The following RND3 variants were observed in gnomAD, a reference collection of about 807,000 sequenced individuals.
RND3 encodes rho-related GTP-binding protein RhoE.
A neutral mutation model predicts 26.5 loss-of-function variants in RND3; 8 were observed. The ratio of observed to expected loss-of-function variants is 0.30; its 90% CI spans 0.18 to 0.54. RND3 has a LOEUF of 0.54. RND3 is among the 20% of genes least tolerant of loss of function. The pLI is 0.94. For missense variants in RND3, 207 were observed against 302.8 expected (o/e 0.68, Z 2.35); for synonymous variants, 113 against 113.0 (o/e 1.00, Z 0.00).
At chr2:150,477,481 A>G (rs1264972964) in intron 3 of RND3, among the ~76,000 whole-genome samples, 1 of 152,206 alleles carries the variant, frequency 6.6e-6, no homozygotes, top group Non-Finnish European at 1.5e-5. Flanking sequence ...AGGCCACCAC[A>G]TGACTGCTGG....
At chr2:150,485,497 G>C (rs976197849) in intron 3 of RND3, 1 of 152,354 alleles carries the variant, frequency 6.6e-6, no homozygotes, top group Non-Finnish European at 1.5e-5. Context: ...TGGCACTTGC[G>C]CGTTCCTCCT....
intron 3 of RND3, among the ~76,000 whole-genome samples, chr2:150,482,389 T>C (rs1686288721): frequency 6.6e-6 from 1 of 152,222 alleles, no homozygotes; most frequent in Admixed American, 6.5e-5. Context: ...ATGTGGCCAA[T>C]TTTGAAGCAC....
Position 150,475,321 on chromosome 2 carries a change from T to A in RND3, c.239-337A>T, listed in dbSNP as rs899753075. Reference sequence around the variant, plus strand: ...TTGTGTGTAAACCTGCCTCCACCACTAAAAAGGGAGGGGGCAAGGTAGCTT... The same window carrying A: ...TTGTGTGTAAACCTGCCTCCACCACAAAAAAGGGAGGGGGCAAGGTAGCTT... On this transcript the variant is annotated intron_variant, in intron 3 of 5. Coordinates refer to ENST00000263895, the MANE Select transcript of RND3 (RefSeq NM_005168.5). Among the ~76,000 whole-genome samples, 7 of 152,010 alleles carry A rather than the reference T, an allele frequency of 4.6e-5. No individual in the cohort carries two copies. In the South Asian group the frequency reaches 8.3e-4, roughly 18 times the overall value.
At chr2:150,485,717 CT>C (rs1558872564) in intron 3 of RND3, among the ~76,000 whole-genome samples, 1 of 152,130 alleles carries the variant, frequency 6.6e-6, no homozygotes, top group East Asian at 1.9e-4. Context: ...TGGTGCCCCC[CT>C]GCCACTCCCC....
At chr2:150,481,680 A>G (rs1178765863) in intron 3 of RND3, among the ~76,000 whole-genome samples, 1 of 151,570 alleles carries the variant, frequency 6.6e-6, no homozygotes, top group Non-Finnish European at 1.5e-5. Flanking sequence ...TTTTATAATC[A>G]TTTTTATGTC....
At chr2:150,483,226 C>T (rs961050965) in intron 3 of RND3, among the ~76,000 whole-genome samples, 2 of 152,048 alleles carry the variant, frequency 1.3e-5, no homozygotes, top group African/African-American at 4.8e-5. Context: ...AAAGTAGACC[C>T]CTTATGAGAA....
intron 3 of RND3, among the ~76,000 whole-genome samples, chr2:150,484,929 G>A (rs1686332763): frequency 6.6e-6 from 1 of 152,164 alleles, no homozygotes; most frequent in African/African-American, 2.4e-5. Flanking sequence ...GGGAGTACTG[G>A]TGCTTATTAT....
At position 150,486,674 on chromosome 2, in the gene RND3, C is replaced by A. The variant is rs745729040; in HGVS notation, c.238+20G>T. 2 of 1,569,540 alleles carry A rather than the reference C, an allele frequency of 1.3e-6. No homozygotes were observed. Among genetic ancestry groups the A allele is most frequent in the Non-Finnish European group, 1.8e-6 (2 of 1,139,348 alleles). On this transcript the variant is annotated intron_variant, in intron 3 of 5. Coordinates refer to ENST00000263895, the MANE Select transcript of RND3 (RefSeq NM_005168.5). This position sits in a 1 kb window ranked among gnomAD's most constrained non-coding sequence, Gnocchi z 4.5. ...GACTGGAAACCCGCCCCAAGCGCCA[C>A]GCGGTCCTCCCACTCTTACCCGAAG...
chr2:150,487,160 C>CT (rs1411913210), intron 2 of RND3, 108 bp downstream of exon 2: 35,181 of 481,952 alleles, frequency 0.073, 6 homozygotes, highest in South Asian at 0.096. Flanking sequence ...TTTTTTTTTT[C>CT]TTTTTTTTTT....
At position 150,471,761 on chromosome 2, in the gene RND3, A is replaced by G; in HGVS notation, c.349T>C (p.Trp117Arg). 6.6e-7 allele frequency: 1 copy of G among 1,518,728 alleles called. No individual in the cohort carries two copies. Among genetic ancestry groups the G allele is most frequent in the Non-Finnish European group, 8.8e-7 (1 of 1,140,844 alleles). 94.1% of individuals were successfully genotyped at this position (1,518,728 alleles called of 1,614,324 possible). The change falls in exon 5 of 6, where the codon TGG (tryptophan) becomes CGG (arginine). Residue 117 changes from tryptophan to arginine, a missense_variant and splice_region_variant. Coordinates refer to ENST00000263895, the MANE Select transcript of RND3 (RefSeq NM_005168.5). ...PETLDSVLKK[W>R]KGEIQEFCPN... ...CAAAATTCCTGGATTTCACCTTTCC[A>G]CTATGAAAGAAAAAAAAAAAAGATT...
intron 3 of RND3, among the ~76,000 whole-genome samples, chr2:150,483,429 A>C (rs1203550835): frequency 6.6e-6 from 1 of 152,224 alleles, no homozygotes; most frequent in Admixed American, 6.5e-5. Context: ...AAGTTCTAGG[A>C]GGGAAATAAA....
chr2:150,483,408 T>C (rs1034402618), intron 3 of RND3, among the ~76,000 whole-genome samples: 3 of 152,170 alleles, frequency 2.0e-5, no homozygotes, highest in Non-Finnish European at 4.4e-5. Context: ...CCTATATAAG[T>C]CTCTTTCACA....
At chr2:150,472,073 G>A (rs1487820257) in intron 4 of RND3, 2 of 284,056 alleles carry the variant, frequency 7.0e-6, no homozygotes, top group Non-Finnish European at 1.4e-5. Context: ...TTAATTATTG[G>A]TGTGTCTCTT....
intron 3 of RND3, among the ~76,000 whole-genome samples, chr2:150,485,547 C>A (rs1457910655): frequency 1.3e-5 from 2 of 152,226 alleles, no homozygotes; most frequent in Non-Finnish European, 2.9e-5. Context: ...CGCCAGCAAC[C>A]CAGCTCCTTG....
chr2:150,476,536 A>T (rs1686167679), intron 3 of RND3, among the ~76,000 whole-genome samples: 1 of 152,226 alleles, frequency 6.6e-6, no homozygotes. Flanking sequence ...AAGAATCAGG[A>T]AGAAAAGTGT....
Position 150,486,134 on chromosome 2 carries a change from C to G in RND3, c.238+560G>C, listed in dbSNP as rs1001918160. Among the ~76,000 whole-genome samples the G allele has an allele frequency of 1.3e-5, 2 of 152,012 alleles. No homozygotes were observed. The highest frequency in any genetic ancestry group is 3.9e-4 in the East Asian group (2 of 5,152). Reference sequence around the variant, plus strand: ...AGGTTCAGCTGCTGCCCGGCCCCTGCGCCACCAGCGCATTCCTGGGTGTAG... The same window carrying G: ...AGGTTCAGCTGCTGCCCGGCCCCTGGGCCACCAGCGCATTCCTGGGTGTAG... On this transcript the variant is annotated intron_variant, in intron 3 of 5. Coordinates refer to ENST00000263895, the MANE Select transcript of RND3 (RefSeq NM_005168.5). The surrounding 1 kb of genome is among the most constrained non-coding windows in gnomAD (Gnocchi z 4.5).
At chr2:150,475,098 C>T (rs1573953726) in intron 3 of RND3, 114 bp from the exon 4 acceptor site, 2 of 622,932 alleles carry the variant, frequency 3.2e-6, no homozygotes, top group East Asian at 5.6e-5. Context: ...ACCCAACTCC[C>T]ACTTCCCCTA....
chr2:150,473,256 C>A (rs971170437), intron 4 of RND3, among the ~76,000 whole-genome samples: 1 of 152,100 alleles, frequency 6.6e-6, no homozygotes, highest in Admixed American at 6.6e-5. Context: ...TTATCATGAG[C>A]CTTAAACCTC....
At chr2:150,483,233 A>G (rs979018034) in intron 3 of RND3, among the ~76,000 whole-genome samples, 9 of 152,088 alleles carry the variant, frequency 5.9e-5, no homozygotes, top group Admixed American at 4.6e-4. Flanking sequence ...ACCCCTTATG[A>G]GAAGCTGTCC....
Sources: allele counts gnomAD v4.1 joint callset (sites outside exome capture counted in the v4.1 genomes callset), GRCh38; gene constraint gnomAD v4.1.1; non-coding constraint Gnocchi (gnomAD v3.1); transcripts MANE v1.5; gene names NCBI Gene and HGNC (gene_info 2026-07-23, HGNC 2026-07-21).